CCNY: variants seen among roughly 807,000 people sequenced by gnomAD.
CCNY encodes the protein cyclin Y, also known as cyclin-Y.
A neutral mutation model predicts 42.8 loss-of-function variants in CCNY; 19 were observed. That is an observed-to-expected ratio of 0.44 (90% CI 0.31 to 0.65). The LOEUF is 0.65. CCNY is among the 30% of genes least tolerant of loss of function. CCNY has a pLI of 0.07. For missense variants in CCNY, 370 were observed against 437.3 expected (o/e 0.85, Z 1.37); for synonymous variants, 165 against 162.7 (o/e 1.01, Z -0.11).
At chr10:35,452,598 C>T (rs1838941450) in intron 1 of CCNY, among the ~76,000 whole-genome samples, 1 of 152,084 alleles carries the variant, frequency 6.6e-6, no homozygotes, top group Non-Finnish European at 1.5e-5. Context: ...CTCTAAGTGA[C>T]TGCTGAGGTT....
chr10:35,562,023 G>A (rs964361643), intron 8 of CCNY, among the ~76,000 whole-genome samples: 3 of 152,232 alleles, frequency 2.0e-5, no homozygotes, highest in Admixed American at 6.5e-5. Flanking sequence ...CTTAGAGCAA[G>A]AAGTGGCAAC....
chr10:35,430,601 G>A (rs1838369311), intron 1 of CCNY, among the ~76,000 whole-genome samples: 1 of 152,058 alleles, frequency 6.6e-6, no homozygotes, highest in Non-Finnish European at 1.5e-5. Context: ...GTAGTGTAGA[G>A]TATTAACTAC....
At chr10:35,491,718 A>T (rs1462455138) in intron 2 of CCNY, among the ~76,000 whole-genome samples, 2 of 151,918 alleles carry the variant, frequency 1.3e-5, no homozygotes, top group African/African-American at 4.8e-5. Flanking sequence ...GGTTCACACC[A>T]TTCTCCTGCC....
chr10:35,517,860 A>G (rs969620614), intron 4 of CCNY, among the ~76,000 whole-genome samples: 1 of 152,172 alleles, frequency 6.6e-6, no homozygotes, highest in African/African-American at 2.4e-5. Flanking sequence ...ACTGAGGGGA[A>G]ATGGGGTGTG....
Position 35,443,618 on chromosome 10 carries a change from C to T in CCNY, c.155-39786C>T, listed in dbSNP as rs140337689. Reference sequence around the variant, plus strand: ...AGTCTAATTGGGAATAAATAGTAGCCTCTCTTAGAAGCAAAATTTACTCAA... The same window carrying T: ...AGTCTAATTGGGAATAAATAGTAGCTTCTCTTAGAAGCAAAATTTACTCAA... On this transcript the variant is annotated intron_variant, in intron 1 of 9. Transcript: ENST00000374704. 4.3e-3 allele frequency among the ~76,000 whole-genome samples: 647 copies of T among 152,198 alleles called. 6 individuals are homozygous for T. The highest frequency in any genetic ancestry group is 0.015 in the African/African-American group (618 of 41,520).
At chr10:35,435,136 G>A (rs1838500802) in intron 1 of CCNY, among the ~76,000 whole-genome samples, 1 of 152,196 alleles carries the variant, frequency 6.6e-6, no homozygotes, top group African/African-American at 2.4e-5. Context: ...ACTGGGGAGA[G>A]TGTCTATCCA....
chr10:35,568,231 G>A (rs920748801), intron 9 of CCNY, among the ~76,000 whole-genome samples: 24 of 152,216 alleles, frequency 1.6e-4, no homozygotes, highest in African/African-American at 5.8e-4. Context: ...GTTTCTCCGA[G>A]TGCCGAGAAG....
intron 2 of CCNY, among the ~76,000 whole-genome samples, chr10:35,494,129 G>T (rs1589158164): frequency 6.6e-6 from 1 of 151,360 alleles, no homozygotes; most frequent in African/African-American, 2.4e-5. Flanking sequence ...TTGCTTCCAG[G>T]TTAGGCACAG....
At chr10:35,262,959 T>C (rs1033957553) in intron 3 of CCNY, among the ~76,000 whole-genome samples, 5 of 151,176 alleles carry the variant, frequency 3.3e-5, no homozygotes, top group Non-Finnish European at 5.9e-5. Flanking sequence ...GGCTCATACC[T>C]GTAATCTCAG....
At chr10:35,321,021 CAGG>C (rs1415914353) in intron 3 of CCNY, 1 of 149,158 alleles carries the variant, frequency 6.7e-6, no homozygotes, top group Non-Finnish European at 1.5e-5. Context: ...GAGGCTGAGA[CAGG>C]AGGACTGCTT....
chr10:35,527,760 G>A (rs1410215964), intron 5 of CCNY, among the ~76,000 whole-genome samples: 1 of 152,214 alleles, frequency 6.6e-6, no homozygotes, highest in East Asian at 1.9e-4. Context: ...TGTACAGATT[G>A]CCACCTGCAT....
chr10:35,389,642 T>G (rs1431189075), intron 1 of CCNY, among the ~76,000 whole-genome samples: 2 of 152,028 alleles, frequency 1.3e-5, no homozygotes, highest in Non-Finnish European at 1.5e-5. Context: ...TTTTACTGTG[T>G]CGGCAAGGCT....
intron 1 of CCNY, among the ~76,000 whole-genome samples, chr10:35,465,795 C>A (rs1839247081): frequency 6.6e-6 from 1 of 152,110 alleles, no homozygotes; most frequent in African/African-American, 2.4e-5. Context: ...CTCACCTGCT[C>A]TGTGCAGTCA....
At chr10:35,496,733 A>G (rs1840011351) in intron 2 of CCNY, among the ~76,000 whole-genome samples, 1 of 152,222 alleles carries the variant, frequency 6.6e-6, no homozygotes, top group Admixed American at 6.5e-5. Context: ...CCTACCTATG[A>G]CAGGAATCAG....
intron 1 of CCNY, among the ~76,000 whole-genome samples, chr10:35,453,254 A>G (rs1189953214): frequency 2.0e-5 from 3 of 152,204 alleles, no homozygotes. Context: ...TAAAATTTAT[A>G]TATTTTTCAC....
chr10:35,521,300 C>T lies in CCNY; in HGVS notation c.366-4664C>T, dbSNP rs114574336. On this transcript the variant is annotated intron_variant, in intron 4 of 9. Transcript: ENST00000374704. ...TGAGGTCTTGGCAGAGCTGACCAAG[C>T]CTCTGAAGTTGGGCACTCCGGGTCC... Among the ~76,000 whole-genome samples the T allele has an allele frequency of 7.6e-3, 1,160 of 152,290 alleles. 18 individuals carry two copies. The highest frequency in any genetic ancestry group is 0.051 in the East Asian group (263 of 5,166).
At position 35,494,238 on chromosome 10, in the gene CCNY, C is replaced by G. The variant is rs935681067; in HGVS notation, c.230-7263C>G. Among the ~76,000 whole-genome samples the G allele has an allele frequency of 6.4e-5, 9 of 141,020 alleles. 1 individual carries two copies. Among genetic ancestry groups the G allele is most frequent in the African/African-American group, 2.1e-4 (8 of 37,992 alleles). The allele number at this position is 141,020 out of a possible 152,430, so 92.5% of individuals were successfully genotyped here. The stretch of plus-strand genomic sequence containing the variant: ...CAGCCTGGACAGCATAGTGAGACCC[C>G]CCCCCCCATTTCTACAAAAAAATAA... On this transcript the variant is annotated intron_variant, in intron 2 of 9. Transcript: ENST00000374704.
intron 2 of CCNY, among the ~76,000 whole-genome samples, chr10:35,249,613 G>T (rs1178082778): frequency 6.6e-6 from 1 of 152,228 alleles, no homozygotes; most frequent in Admixed American, 6.5e-5. Flanking sequence ...ATTCTGGAAT[G>T]TTCTGCAGAA....
intron 1 of CCNY, among the ~76,000 whole-genome samples, chr10:35,430,133 C>A (rs956895606): frequency 6.6e-6 from 1 of 151,254 alleles, no homozygotes. Context: ...GTCAGGAGAT[C>A]GAGACCATCC....
Sources: allele counts gnomAD v4.1 joint callset (sites outside exome capture counted in the v4.1 genomes callset), GRCh38; gene constraint gnomAD v4.1.1; transcripts MANE v1.5; gene names NCBI Gene and HGNC (gene_info 2026-07-23, HGNC 2026-07-21).